CCDC186: variants seen among roughly 807,000 people sequenced by gnomAD.
CCDC186 encodes coiled-coil domain containing 186.
Under a neutral mutation model 113.7 loss-of-function variants are expected in CCDC186, and 49 were observed. The ratio of observed to expected loss-of-function variants is 0.43; its 90% CI spans 0.34 to 0.55. The LOEUF is 0.55. Among genes scored for constraint, CCDC186 ranks in the 20% least tolerant of loss-of-function variants. The pLI is 0.02. For synonymous variants in CCDC186, 355 were observed against 345.8 expected, an observed-to-expected ratio of 1.03 and a Z score of -0.30; for missense variants, 890 against 1,011.1, an observed-to-expected ratio of 0.88 and a Z score of 1.62.
At chr10:114,138,689 G>A (rs951153247) in intron 6 of CCDC186, among the ~76,000 whole-genome samples, 6 of 151,932 alleles carry the variant, frequency 3.9e-5, no homozygotes, top group East Asian at 1.9e-4. Flanking sequence ...TACTTGCTCC[G>A]GTTCTGATCA....
rs568212326 is a variant in CCDC186 at position 114,171,745 on chromosome 10, C to A, written c.-62+2270G>T. ...CTACCGTGGGATTATGTAGTAAGTGCGGTAGACATTACATAGTCTACATAA... is the reference window on the plus strand; with the variant it reads ...CTACCGTGGGATTATGTAGTAAGTGAGGTAGACATTACATAGTCTACATAA... On this transcript the variant is annotated intron_variant, in intron 1 of 15. Coordinates refer to ENST00000369287, the MANE Select transcript of CCDC186 (RefSeq NM_018017.4). Among the ~76,000 whole-genome samples, 21 of 152,196 alleles carry A rather than the reference C, an allele frequency of 1.4e-4. 1 individual carries two copies. The South Asian group carries it at 4.4e-3, about 32-fold the overall frequency.
Position 114,157,688 on chromosome 10 carries a change from TA to T in CCDC186, c.633-9del. ...TTATTTTCTTTAATTAACCTAAATA[TA>T]AAAAGGGCAGTGTATGTAAAACATA... On this transcript the variant is annotated splice_polypyrimidine_tract_variant and intron_variant, in intron 2 of 15. Transcript: ENST00000369287. 1 of 1,568,446 alleles carries T rather than the reference TA, an allele frequency of 6.4e-7. No individual in the cohort carries two copies.
intron 1 of CCDC186, among the ~76,000 whole-genome samples, chr10:114,170,535 G>A (rs1239971061): frequency 6.6e-6 from 1 of 152,028 alleles, no homozygotes; most frequent in Admixed American, 6.6e-5. Context: ...GTTGCCCAGG[G>A]TGATCTCAAA....
At chr10:114,132,209 G>GA (rs1286979253) in intron 10 of CCDC186, 25 bp from the exon 11 acceptor site, 2 of 1,459,218 alleles carry the variant, frequency 1.4e-6, no homozygotes, top group Non-Finnish European at 1.8e-6. Context: ...TTATATTTAA[G>GA]AAAAAATAAA....
At position 114,127,616 on chromosome 10, in the gene CCDC186, G is replaced by A. The variant is rs554420661; in HGVS notation, c.2238C>T (p.Ser746=). The A allele has an allele frequency of 3.3e-5, 54 of 1,613,974 alleles. No individual in the cohort carries two copies. The South Asian group carries it at 5.4e-4, about 16-fold the overall frequency. Residue 746 remains serine (S), a synonymous_variant, in exon 14 of 16, where the codon TCC becomes TCT. Coordinates refer to ENST00000369287, the MANE Select transcript of CCDC186 (RefSeq NM_018017.4). ...GTGGAAAGTTATCCACAGCTACTGA[G>A]GACCCAGTATTTTCTGGAGATCGAT... ...AEDRSPENTG[S]SVAVDNFPQV...
At chr10:114,159,898 G>A (rs566640948) in intron 2 of CCDC186, among the ~76,000 whole-genome samples, 6 of 152,220 alleles carry the variant, frequency 3.9e-5, no homozygotes, top group East Asian at 1.9e-4. Flanking sequence ...GGAGGTTGAC[G>A]CTGCAGTGAG....
At chr10:114,129,720 G>A (rs1210232640) in intron 13 of CCDC186, among the ~76,000 whole-genome samples, 171 bp downstream of exon 13, 1 of 151,876 alleles carries the variant, frequency 6.6e-6, no homozygotes, top group Non-Finnish European at 1.5e-5. Flanking sequence ...AGTAGAGACG[G>A]GGTTTCTCCA....
intron 5 of CCDC186, 61 bp downstream of exon 5, chr10:114,145,488 G>T: frequency 7.4e-7 from 1 of 1,352,254 alleles, no homozygotes. Flanking sequence ...ATTAAATATG[G>T]AAAAGCAAAG....
rs2030825713 is a variant in CCDC186 at position 114,124,459 on chromosome 10, T to C, written c.*684A>G. 6.6e-6 allele frequency: 1 copy of C among 152,204 alleles called. No individual in the cohort carries two copies. Among genetic ancestry groups the C allele is most frequent in the Admixed American group, 6.5e-5 (1 of 15,278 alleles). 9.4% of individuals were successfully genotyped at this position (152,204 alleles called of 1,614,324 possible). On this transcript the variant is annotated 3_prime_UTR_variant, in exon 16 of 16. Transcript: ENST00000369287. ...ATTAATATGTAATTTAAAATCATAT[T>C]TTAAGTAACTAAAAACTTTAAAAAT...
intron 2 of CCDC186, 91 bp from the exon 3 acceptor site, chr10:114,157,771 C>T: frequency 1.1e-6 from 1 of 941,056 alleles, no homozygotes; most frequent in Non-Finnish European, 1.5e-6. Context: ...GATCAGGGTA[C>T]AGATATCTAT....
In CCDC186 at chr10:114,131,160, T is replaced by G; in HGVS notation, c.2088A>C (p.Lys696Asn). The G allele has an allele frequency of 6.5e-7, 1 of 1,541,356 alleles. No homozygotes were observed. The highest frequency in any genetic ancestry group is 8.7e-7 in the Non-Finnish European group (1 of 1,148,790). The change falls in exon 12 of 16, where the codon AAA (lysine) becomes AAC (asparagine). Residue 696 changes from lysine to asparagine, a missense_variant. Physicochemically the swap from Lys to Asn is moderately conservative, Grantham distance 94 (BLOSUM62 0). Coordinates refer to ENST00000369287, the MANE Select transcript of CCDC186 (RefSeq NM_018017.4). ...AGAATTTTATACCTTGCTGAAGTTG[T>G]TTGGTGAGATCCTTGATACTAGAGG... ...KHASSIKDLT[K>N]QLQQARRKLD...
At chr10:114,157,409 C>T in intron 3 of CCDC186, 145 bp downstream of exon 3, 5 of 540,790 alleles carry the variant, frequency 9.2e-6, no homozygotes, top group Admixed American at 4.4e-5. Flanking sequence ...CCAGGCTGGT[C>T]TCAAACTCCT....
chr10:114,129,818 T>C (rs1168589932), intron 13 of CCDC186, 73 bp downstream of exon 13: 5 of 1,407,390 alleles, frequency 3.6e-6, no homozygotes, highest in South Asian at 2.3e-5. Flanking sequence ...GTGTGAGCCA[T>C]CACACCTGGC....
chr10:114,162,792 T>A lies in CCDC186; in HGVS notation c.477A>T (p.Ser159=). The A allele has an allele frequency of 6.2e-7, 1 of 1,613,988 alleles. No individual in the cohort carries two copies. Among genetic ancestry groups the A allele is most frequent in the East Asian group, 2.2e-5 (1 of 44,858 alleles). ...FISKIKSVSA[S]EDLLEEIESE... ...ATTCTATTTCTTCCAACAAATCCTC[T>A]GATGCTGAAACGCTCTTTATTTTTG... Residue 159 remains serine (S), a synonymous_variant, in exon 2 of 16, where the codon TCA becomes TCT. Transcript: ENST00000369287.
At chr10:114,141,575 C>T (rs1478177405) in intron 6 of CCDC186, among the ~76,000 whole-genome samples, 1 of 152,102 alleles carries the variant, frequency 6.6e-6, no homozygotes, top group Non-Finnish European at 1.5e-5. Context: ...CTTGTGGGAG[C>T]TCTAGGGATT....
intron 6 of CCDC186, among the ~76,000 whole-genome samples, chr10:114,139,794 A>G (rs556395729): frequency 6.6e-6 from 1 of 152,276 alleles, no homozygotes; most frequent in East Asian, 1.9e-4. Context: ...GGAGGGAGAA[A>G]AAGAGACAGA....
At chr10:114,132,215 A>T (rs1253888120) in intron 10 of CCDC186, 31 bp from the exon 11 acceptor site, 1 of 1,434,252 alleles carries the variant, frequency 7.0e-7, no homozygotes, top group Admixed American at 2.2e-5. Context: ...TTAAGAAAAA[A>T]TAAACCATTA....
chr10:114,158,677 C>T (rs903755441), intron 2 of CCDC186, among the ~76,000 whole-genome samples: 2 of 151,906 alleles, frequency 1.3e-5, no homozygotes, highest in Non-Finnish European at 2.9e-5. Context: ...CCTGCCTGGG[C>T]AACAGAATAA....
intron 15 of CCDC186, 53 bp downstream of exon 15, chr10:114,125,833 G>A: frequency 6.9e-7 from 1 of 1,452,444 alleles, no homozygotes; most frequent in Non-Finnish European, 9.6e-7. Context: ...CTGTGAAACA[G>A]GCATCATTTT....
Sources: gnomAD v4.1 joint callset for allele counts (sites outside exome capture counted in the v4.1 genomes callset) on GRCh38, gnomAD v4.1.1 for gene constraint, MANE v1.5 for transcripts, NCBI Gene and HGNC (gene_info 2026-07-23, HGNC 2026-07-21) for gene names.